ZFYVE26: variants seen among roughly 807,000 people sequenced by gnomAD.
ZFYVE26 encodes zinc finger FYVE-type containing 26.
Under a neutral mutation model 276.5 loss-of-function variants are expected in ZFYVE26, and 181 were observed. The observed-to-expected ratio is 0.65, with a 90% confidence interval of 0.58 to 0.74. The LOEUF is 0.74. ZFYVE26 is among the 30% of genes least tolerant of loss of function. ZFYVE26 has a pLI of 0.00. For missense variants in ZFYVE26, 2,821 were observed against 3,097.9 expected, an observed-to-expected ratio of 0.91 and a Z score of 2.12; for synonymous variants, 1,129 against 1,203.1, an observed-to-expected ratio of 0.94 and a Z score of 1.27.
intron 11 of ZFYVE26, 56 bp from the exon 12 acceptor site, chr14:67,797,811 C>T (rs1274763218): frequency 2.5e-6 from 4 of 1,606,840 alleles, no homozygotes; most frequent in Non-Finnish European, 3.4e-6. Context: ...TGATTTGGCC[C>T]TTTCTTGGCA....
intron 38 of ZFYVE26, 71 bp from the exon 39 acceptor site, chr14:67,753,837 G>T: frequency 6.4e-7 from 1 of 1,552,590 alleles, no homozygotes; most frequent in Admixed American, 1.7e-5. Flanking sequence ...AAGAATGAAG[G>T]CCTCTATTTA....
intron 35 of ZFYVE26, among the ~76,000 whole-genome samples, chr14:67,759,538 C>T (rs1358619471): frequency 2.1e-5 from 3 of 143,178 alleles, no homozygotes; most frequent in African/African-American, 5.2e-5. Context: ...GCAGGAGAAT[C>T]GTTTGAACCT....
At chr14:67,733,151 AC>A (rs1566852491) in intron 13 of ZFYVE26, among the ~76,000 whole-genome samples, 1 of 151,970 alleles carries the variant, frequency 6.6e-6, no homozygotes, top group Non-Finnish European at 1.5e-5. Flanking sequence ...ACAAAAAAAA[AC>A]ATGATGAGAA....
At chr14:67,807,220 C>T (rs2040199173) in intron 5 of ZFYVE26, among the ~76,000 whole-genome samples, 178 bp downstream of exon 5, 1 of 152,188 alleles carries the variant, frequency 6.6e-6, no homozygotes. Flanking sequence ...ACTAGGATTA[C>T]AGGCCTGAGC....
rs1305501808 is a variant in ZFYVE26, at chr14:67,753,767, C to T, written c.7129-1G>A. ...CTACATTTTTCCCTCCCAGCATGACCTGAAAAGGAAAGGGAATCATGCTTA... is the reference window on the plus strand; with the variant it reads ...CTACATTTTTCCCTCCCAGCATGACTTGAAAAGGAAAGGGAATCATGCTTA... On this transcript the variant is annotated splice_acceptor_variant, in intron 38 of 41. Transcript: ENST00000347230. LOFTEE classifies it high-confidence loss of function. 1 of 1,611,940 alleles carries T rather than the reference C, an allele frequency of 6.2e-7. No individual in the cohort carries two copies. Among genetic ancestry groups the T allele is most frequent in the East Asian group, 2.2e-5 (1 of 44,886 alleles).
At chr14:67,751,344 C>T (rs569850592) in intron 40 of ZFYVE26, 69 of 569,578 alleles carry the variant, frequency 1.2e-4, no homozygotes, top group African/African-American at 1.0e-3. Flanking sequence ...TGGGCCAGTT[C>T]ACCCCTCCTT....
At chr14:67,764,706 G>T (rs949812404) in intron 32 of ZFYVE26, among the ~76,000 whole-genome samples, 1 of 152,196 alleles carries the variant, frequency 6.6e-6, no homozygotes, top group Non-Finnish European at 1.5e-5. Context: ...GAGTGGGCGT[G>T]TCTGAATGCA....
chr14:67,802,054 TCA>T, intron 10 of ZFYVE26, 23 bp downstream of exon 10: 1 of 1,611,788 alleles, frequency 6.2e-7, no homozygotes, highest in African/African-American at 1.3e-5. Context: ...TCAGCTTATC[TCA>T]CGGATGGAGG....
chr14:67,757,450 C>T (rs894426592), intron 35 of ZFYVE26, among the ~76,000 whole-genome samples: 61 of 152,314 alleles, frequency 4.0e-4, no homozygotes, highest in African/African-American at 1.4e-3. Context: ...CATAGATCTG[C>T]ATGATTTGCT....
intron 11 of ZFYVE26, 40 bp downstream of exon 11, chr14:67,797,974 T>G (rs1347168712): frequency 1.2e-6 from 2 of 1,613,390 alleles, no homozygotes; most frequent in Non-Finnish European, 1.7e-6. Flanking sequence ...TCTTTCTCCC[T>G]CTCCACCTTC....
chr14:67,814,317 G>A (rs753595966), intron 2 of ZFYVE26, among the ~76,000 whole-genome samples: 14 of 152,232 alleles, frequency 9.2e-5, no homozygotes, highest in South Asian at 2.1e-4. Context: ...TCACGAGTTC[G>A]AGACCAACCT....
At chr14:67,776,566 G>A (rs2039350158) in intron 25 of ZFYVE26, among the ~76,000 whole-genome samples, 1 of 152,202 alleles carries the variant, frequency 6.6e-6, no homozygotes, top group South Asian at 2.1e-4. Context: ...AGGTCTCCCT[G>A]ACCCTTAATG....
chr14:67,777,245 T>C (rs1438548418), intron 25 of ZFYVE26, among the ~76,000 whole-genome samples: 4 of 152,194 alleles, frequency 2.6e-5, no homozygotes, highest in Non-Finnish European at 5.9e-5. Context: ...TTGAGAAGCA[T>C]TGATACAGCA....
At chr14:67,800,464 A>G (rs187041227) in intron 10 of ZFYVE26, among the ~76,000 whole-genome samples, 1 of 152,290 alleles carries the variant, frequency 6.6e-6, no homozygotes, top group African/African-American at 2.4e-5. Context: ...TGTATGTATT[A>G]AATATGTCCA....
At chr14:67,791,067 T>C (rs1053149562) in intron 14 of ZFYVE26, among the ~76,000 whole-genome samples, 7 of 152,220 alleles carry the variant, frequency 4.6e-5, no homozygotes, top group Non-Finnish European at 1.0e-4. Flanking sequence ...GTCAGTAATC[T>C]AGGAATTTAA....
At chr14:67,803,688 T>C (rs989779593) in intron 9 of ZFYVE26, among the ~76,000 whole-genome samples, 4 of 152,170 alleles carry the variant, frequency 2.6e-5, no homozygotes, top group African/African-American at 9.7e-5. Context: ...ATATGGAGTA[T>C]GAAGTGGACA....
Position 67,783,798 on chromosome 14 carries a change from A to G in ZFYVE26, c.3627-273T>C, listed in dbSNP as rs768300828. On this transcript the variant is annotated intron_variant, in intron 20 of 41. Transcript: ENST00000347230. ...TAGTATTCCATTATATAGATGAACA[A>G]TAACTAGGCTCCTGTTAGTGGACAA... Among the ~76,000 whole-genome samples, 7 of 152,374 alleles carry G rather than the reference A, an allele frequency of 4.6e-5. 1 individual carries two copies. In the South Asian group the frequency reaches 1.0e-3, roughly 23 times the overall value.
chr14:67,785,729 G>T, intron 18 of ZFYVE26, 129 bp downstream of exon 18: 2 of 1,258,198 alleles, frequency 1.6e-6, no homozygotes, highest in Non-Finnish European at 2.3e-6. Context: ...GACATGCCCT[G>T]GCTAACTAAA....
At position 67,761,544 on chromosome 14, in the gene ZFYVE26, G is replaced by C; in HGVS notation, c.6410C>G (p.Ala2137Gly). Reference protein sequence around the residue: ...DYFATLRELEATLRTQSLSLA... With the variant: ...DYFATLRELEGTLRTQSLSLA... ...AGAAAGGCTCTGCGTCCGAAGGGTA[G>C]CTTCCAGTTCCCTCAGGGTGGCAAA... Residue 2137 changes from alanine to glycine, a missense_variant, in exon 35 of 42, where the codon GCT becomes GGT. Ala to Gly is a moderately conservative substitution (Grantham distance 60). Transcript: ENST00000347230. The C allele has an allele frequency of 1.9e-6, 3 of 1,614,194 alleles. No individual in the cohort carries two copies. Among genetic ancestry groups the C allele is most frequent in the Non-Finnish European group, 2.5e-6 (3 of 1,180,028 alleles).
Sources: allele counts gnomAD v4.1 joint callset (sites outside exome capture counted in the v4.1 genomes callset), GRCh38; gene constraint gnomAD v4.1.1; transcripts MANE v1.5; gene names NCBI Gene and HGNC (gene_info 2026-07-23, HGNC 2026-07-21).